USB1: variants seen among roughly 807,000 people sequenced by gnomAD.
USB1 encodes the protein U6 snRNA phosphodiesterase 1.
In USB1, 21 loss-of-function variants were observed where a neutral mutation model predicts 29.9. The observed-to-expected ratio is 0.70, with a 90% CI of 0.50 to 1.01. USB1 has a LOEUF of 1.01. USB1 is among the 50% of genes least tolerant of loss of function. The probability of loss-of-function intolerance (pLI) is 0.00; values close to 1 mark genes in which losing one functional copy is unlikely to be tolerated. For synonymous variants in USB1, 143 were observed against 134.9 expected (o/e 1.06, Z -0.42); for missense variants, 330 against 347.1 (o/e 0.95, Z 0.39).
chr16:58,020,482 C>G lies in USB1; in HGVS notation c.*237C>G. 1 of 571,760 alleles carries G rather than the reference C, an allele frequency of 1.7e-6. No individual in the cohort carries two copies. The highest frequency in any genetic ancestry group is 3.1e-6 in the Non-Finnish European group (1 of 319,110). 35.4% of individuals were successfully genotyped at this position (571,760 alleles called of 1,614,324 possible). A position where few individuals can be genotyped will look rare whatever the true frequency, so the allele number is the denominator to read the frequency against. The stretch of plus-strand genomic sequence containing the variant: ...CTTTCTCTCCTCTGTCTCTCTTCCT[C>G]TCCTCTCTTCCTCTCTTCTCTCTTC... On this transcript the variant is annotated 3_prime_UTR_variant, in exon 7 of 7. Transcript: ENST00000219281.
intron 3 of USB1, chr16:58,012,184 G>T: frequency 1.4e-6 from 2 of 1,473,426 alleles, no homozygotes; most frequent in Non-Finnish European, 1.8e-6. Context: ...AGGAGGACAG[G>T]ATTTGTCCCA....
upstream of USB1, chr16:58,001,334 T>C: frequency 1.1e-6 from 1 of 886,768 alleles, no homozygotes; most frequent in Non-Finnish European, 1.8e-6. Context: ...TCTTCACCAC[T>C]GTCCTGCCGG....
chr16:58,005,468 G>T (rs559185715), intron 2 of USB1, among the ~76,000 whole-genome samples: 1 of 152,304 alleles, frequency 6.6e-6, no homozygotes, highest in African/African-American at 2.4e-5. Flanking sequence ...ATGACAGAGG[G>T]CTCGCACTCT....
At position 58,013,030 on chromosome 16, in the gene USB1, G is replaced by C. The variant is rs1963534689; in HGVS notation, c.450-1243G>C. The C allele has an allele frequency of 2.0e-6, 2 of 985,658 alleles. No homozygotes were observed. Among genetic ancestry groups the C allele is most frequent in the Non-Finnish European group, 2.4e-6 (2 of 830,094 alleles). The allele number at this position is 985,658 out of a possible 1,614,324, so 61.1% of individuals were successfully genotyped here. On this transcript the variant is annotated intron_variant, in intron 3 of 6. Transcript: ENST00000219281. This position sits in a 1 kb window ranked among gnomAD's most constrained non-coding sequence, Gnocchi z 4.3. ...CCTCTGAGGAAAGGATCTGTGTCATGAGTGAAGCCCGGGCAGGTGTGGTCT... is the reference window on the plus strand; with the variant it reads ...CCTCTGAGGAAAGGATCTGTGTCATCAGTGAAGCCCGGGCAGGTGTGGTCT...
chr16:58,005,454 G>A (rs1567417830), intron 2 of USB1, among the ~76,000 whole-genome samples: 2 of 152,208 alleles, frequency 1.3e-5, no homozygotes, highest in African/African-American at 2.4e-5. Flanking sequence ...GGCCCTGTCC[G>A]GGCATGACAG....
intron 3 of USB1, chr16:58,011,269 G>A (rs961250092): frequency 2.1e-6 from 3 of 1,448,006 alleles, no homozygotes; most frequent in South Asian, 2.9e-5. Context: ...CATGGTAATG[G>A]TGGGAGCTAC....
intron 4 of USB1, 78 bp from the exon 5 acceptor site, chr16:58,017,256 C>T: frequency 7.3e-7 from 1 of 1,367,322 alleles, no homozygotes; most frequent in Admixed American, 1.7e-5. Context: ...GGCCTTCTGC[C>T]TGGCTCCTGC....
At chr16:58,007,679 G>C (rs796418580) in intron 2 of USB1, among the ~76,000 whole-genome samples, 8 of 151,602 alleles carry the variant, frequency 5.3e-5, no homozygotes, top group African/African-American at 1.9e-4. Context: ...ACAGAGCCCA[G>C]CCGGAAGGTA....
At chr16:58,005,685 C>T (rs1963334353) in intron 2 of USB1, among the ~76,000 whole-genome samples, 1 of 152,046 alleles carries the variant, frequency 6.6e-6, no homozygotes, top group South Asian at 2.1e-4. Flanking sequence ...TTTTATTATA[C>T]TGGAACAACT....
At chr16:58,003,574 A>G (rs1458541560) in intron 2 of USB1, among the ~76,000 whole-genome samples, 1 of 152,194 alleles carries the variant, frequency 6.6e-6, no homozygotes, top group African/African-American at 2.4e-5. Context: ...GTGTGTAGCA[A>G]TATGTCACTG....
At position 58,001,582 on chromosome 16, in the gene USB1, G is replaced by T; in HGVS notation, c.98+1G>T. On this transcript the variant is annotated splice_donor_variant, in intron 1 of 6. Coordinates refer to ENST00000219281, the MANE Select transcript of USB1 (RefSeq NM_024598.4). LOFTEE classifies it high-confidence loss of function. ...GGCCGGGGGATGGGAGCCACCGTCG[G>T]TGAGGAGTGAGGAAGTCTCTCCGGA... 1.2e-6 allele frequency: 2 copies of T among 1,602,802 alleles called. No homozygotes were observed. Among genetic ancestry groups the T allele is most frequent in the African/African-American group, 2.7e-5 (2 of 74,870 alleles).
At position 58,001,667 on chromosome 16, in the gene USB1, A is replaced by C. The variant is rs1963198969; in HGVS notation, c.98+86A>C. On this transcript the variant is annotated intron_variant, in intron 1 of 6. Transcript: ENST00000219281. ...CCGAATGTCTGGGGGTGGAGTGGGGAGGGAGGATGCGGGGCGGCTCTGGGA... is the reference window on the plus strand; with the variant it reads ...CCGAATGTCTGGGGGTGGAGTGGGGCGGGAGGATGCGGGGCGGCTCTGGGA... The C allele has an allele frequency of 1.3e-5, 18 of 1,417,084 alleles. No individual in the cohort carries two copies. In the South Asian group the frequency reaches 2.2e-4, roughly 17 times the overall value. The allele number at this position is 1,417,084 out of a possible 1,614,324, so 87.8% of individuals were successfully genotyped here. A position where few individuals can be genotyped will look rare whatever the true frequency, so the allele number is the denominator to read the frequency against.
In USB1 at chr16:58,013,252, A is replaced by G. The variant is rs1963539422; in HGVS notation, c.450-1021A>G. On this transcript the variant is annotated intron_variant, in intron 3 of 6. Transcript: ENST00000219281. This position sits in a 1 kb window ranked among gnomAD's most constrained non-coding sequence, Gnocchi z 4.3. ...GAGTTTTGGTTGGGCACAGACATCC[A>G]GTGTCCACTCCAGGATGTTTGGGAG... 1.0e-6 allele frequency: 1 copy of G among 985,346 alleles called. No individual in the cohort carries two copies. Among genetic ancestry groups the G allele is most frequent in the East Asian group, 1.1e-4 (1 of 8,820 alleles). The allele number at this position is 985,346 out of a possible 1,614,324, so 61.0% of individuals were successfully genotyped here. A position where few individuals can be genotyped will look rare whatever the true frequency, so the allele number is the denominator to read the frequency against.
intron 5 of USB1, among the ~76,000 whole-genome samples, chr16:58,018,679 C>T (rs1963674587): frequency 6.6e-6 from 1 of 152,106 alleles, no homozygotes; most frequent in Non-Finnish European, 1.5e-5. Flanking sequence ...CTCATGACCT[C>T]ATCTAACCCT....
At chr16:58,011,328 ACACCACTTGGGTGAAGGGTTAGTAC>A (rs1158317557) in intron 3 of USB1, 1 of 1,397,388 alleles carries the variant, frequency 7.2e-7, no homozygotes, top group African/African-American at 1.4e-5. Flanking sequence ...TGCCCTCAGC[ACACCACTTGGGTGAAGGGTTAGTAC>A]CAGACCCCAC....
Position 58,014,323 on chromosome 16 carries a change from C to T in USB1, c.500C>T (p.Thr167Ile), listed in dbSNP as rs768253665. ...QVKIYTNQEK[T>I]RTFIGLEVTS... ...AAGATTTACACCAATCAAGAGAAAA[C>T]CAGGTGGGTCCTCCCAACCCCCAAT... Residue 167 changes from threonine (T) to isoleucine (I), a missense_variant, in exon 4 of 7, where the codon ACC becomes ATC. Transcript: ENST00000219281. The T allele has an allele frequency of 1.2e-6, 2 of 1,613,238 alleles. No homozygotes were observed. Among genetic ancestry groups the T allele is most frequent in the South Asian group, 1.1e-5 (1 of 91,046 alleles).
chr16:58,001,802 C>G (rs1179960812), intron 1 of USB1, among the ~76,000 whole-genome samples: 3 of 149,986 alleles, frequency 2.0e-5, no homozygotes, highest in Admixed American at 6.7e-5. Context: ...GTTGGGAGGC[C>G]AGACCTGGGT....
At chr16:58,001,305 T>G (rs76764258), upstream of USB1, 2,023 of 730,338 alleles carry the variant, frequency 2.8e-3, 36 homozygotes, top group African/African-American at 0.031. Context: ...GGCAGACAGC[T>G]TGGAGTCGGT....
Position 58,014,063 on chromosome 16 carries a change from G to A in USB1, c.450-210G>A, listed in dbSNP as rs966662773. On this transcript the variant is annotated intron_variant, in intron 3 of 6. Transcript: ENST00000219281. ...GTAAAATTTTTACTAGCACCTGGAT[G>A]ATGTTGTGTGTTACTCGGGCTGGGT... The A allele has an allele frequency of 3.3e-5, 19 of 571,074 alleles. No individual in the cohort carries two copies. The South Asian group carries it at 3.4e-4, about 10-fold the overall frequency. 35.4% of individuals were successfully genotyped at this position (571,074 alleles called of 1,614,324 possible). A position where few individuals can be genotyped will look rare whatever the true frequency, so the allele number is the denominator to read the frequency against.
Sources: allele counts gnomAD v4.1 joint callset (sites outside exome capture counted in the v4.1 genomes callset), GRCh38; gene constraint gnomAD v4.1.1; non-coding constraint Gnocchi (gnomAD v3.1); transcripts MANE v1.5; gene names NCBI Gene and HGNC (gene_info 2026-07-23, HGNC 2026-07-21).